The following SOX6 variants were observed in gnomAD, a reference collection of about 807,000 sequenced individuals.
SOX6 encodes the protein SRY-box transcription factor 6, also known as transcription factor SOX-6.
In SOX6, 11 loss-of-function variants were observed where a neutral mutation model predicts 97.8. The ratio of observed to expected loss-of-function variants is 0.11; its 90% CI spans 0.07 to 0.19. The LOEUF is 0.19. Ranked by LOEUF, SOX6 falls within the 10% of genes least tolerant of loss-of-function variation. The pLI is 1.00. For synonymous variants in SOX6, 360 were observed against 371.4 expected (o/e 0.97, Z 0.35); for missense variants, 810 against 1,039.5 (o/e 0.78, Z 3.04).
chr11:16,389,969 T>TAAAAAAAAACAAAAAA (rs1858117112), intron 1 of SOX6, among the ~76,000 whole-genome samples: 1 of 41,856 alleles, frequency 2.4e-5, no homozygotes, highest in Non-Finnish European at 4.1e-5. Flanking sequence ...GACTCCGTCT[T>TAAAAAAAAACAAAAAA]AAAAAAAAAA....
chr11:16,132,401 A>AGAAAAAAAGAAAG (rs34012369), intron 6 of SOX6, among the ~76,000 whole-genome samples: 3 of 43,830 alleles, frequency 6.8e-5, no homozygotes, highest in African/African-American at 3.3e-4. Flanking sequence ...AAAGAAAGAA[A>AGAAAAAAAGAAAG]AAAGAAAGAA....
intron 1 of SOX6, among the ~76,000 whole-genome samples, chr11:16,451,240 A>G (rs997472734): frequency 6.6e-6 from 1 of 152,052 alleles, no homozygotes; most frequent in African/African-American, 2.4e-5. Flanking sequence ...TCCAAAAAAT[A>G]ATAATTTTGA....
intron 3 of SOX6, among the ~76,000 whole-genome samples, chr11:16,664,375 T>C (rs1239042757): frequency 6.6e-6 from 1 of 152,134 alleles, no homozygotes; most frequent in Admixed American, 6.5e-5. Context: ...AAAGAATCTG[T>C]ACACTTGGGG....
rs543720069 is a variant in SOX6 at position 16,181,818 on chromosome 11, A to G, written c.777+2068T>C. ...TTGAGTTCTTATTACAAAGAATCTTATATTTCTAAAGTGAATGTAACTCTG... is the reference window on the plus strand; with the variant it reads ...TTGAGTTCTTATTACAAAGAATCTTGTATTTCTAAAGTGAATGTAACTCTG... On this transcript the variant is annotated intron_variant, in intron 6 of 15. Transcript: ENST00000683767. Among the ~76,000 whole-genome samples the G allele has an allele frequency of 2.0e-5, 3 of 151,838 alleles. No individual in the cohort carries two copies. The South Asian group carries it at 6.2e-4, about 31-fold the overall frequency.
chr11:16,416,480 C>A (rs959410652), intron 1 of SOX6, among the ~76,000 whole-genome samples: 1 of 152,092 alleles, frequency 6.6e-6, no homozygotes, highest in African/African-American at 2.4e-5. Context: ...TACTACCTGA[C>A]AATTCTTGGA....
rs115603942 is a variant in SOX6 at position 16,443,683 on chromosome 11, A to G, written c.-5+32632T>C. Among the ~76,000 whole-genome samples the G allele has an allele frequency of 2.4e-3, 360 of 152,154 alleles. 2 individuals carry two copies. The highest frequency in any genetic ancestry group is 6.9e-3 in the African/African-American group (286 of 41,504). On this transcript the variant is annotated intron_variant, in intron 1 of 15. Transcript: ENST00000396356. ...AAATGATCTTGCTACCCTGATAGTG[A>G]GCATAGTGCCCAATATGTAGTGTCT...
chr11:16,423,347 A>AT (rs1371483115), intron 1 of SOX6, among the ~76,000 whole-genome samples: 10 of 152,190 alleles, frequency 6.6e-5, no homozygotes, highest in Admixed American at 4.6e-4. Context: ...CTATAAAAAA[A>AT]TTGTACCGCC....
intron 2 of SOX6, among the ~76,000 whole-genome samples, chr11:16,730,160 C>T (rs957828259): frequency 6.6e-5 from 10 of 151,848 alleles, no homozygotes; most frequent in African/African-American, 2.2e-4. Flanking sequence ...GACTTTAACA[C>T]CCCACTGTCA....
At chr11:16,325,196 A>G (rs1223609108) in intron 2 of SOX6, among the ~76,000 whole-genome samples, 1 of 152,130 alleles carries the variant, frequency 6.6e-6, no homozygotes, top group Non-Finnish European at 1.5e-5. Context: ...TTAAATATAA[A>G]TATCAAAGAA....
intron 1 of SOX6, among the ~76,000 whole-genome samples, chr11:16,471,348 G>C (rs1031247048): frequency 6.6e-6 from 1 of 152,106 alleles, no homozygotes; most frequent in Non-Finnish European, 1.5e-5. Context: ...TCCGGCCTAG[G>C]TAGTTGATTT....
At chr11:16,561,146 C>T (rs537349655) in intron 4 of SOX6, among the ~76,000 whole-genome samples, 8 of 151,850 alleles carry the variant, frequency 5.3e-5, no homozygotes, top group East Asian at 1.9e-4. Context: ...GAAGAAAGAA[C>T]GGCAGAAATA....
intron 3 of SOX6, among the ~76,000 whole-genome samples, chr11:16,672,185 T>C (rs749690827): frequency 1.3e-5 from 2 of 152,066 alleles, no homozygotes; most frequent in African/African-American, 2.4e-5. Context: ...TACCACCTAA[T>C]ACAAAAACAC....
intron 6 of SOX6, among the ~76,000 whole-genome samples, chr11:16,113,736 G>T (rs1307951202): frequency 5.3e-5 from 8 of 152,102 alleles, no homozygotes; most frequent in Non-Finnish European, 1.2e-4. Flanking sequence ...AAAGTGAGGA[G>T]TTTGGATATT....
rs1850251258 is a variant in SOX6, at chr11:16,144,987, C to T, written c.778-33064G>A. Among the ~76,000 whole-genome samples the T allele has an allele frequency of 2.0e-5, 3 of 152,290 alleles. No individual in the cohort carries two copies. In the South Asian group the frequency reaches 6.2e-4, roughly 32 times the overall value. ...TCAATAGAAAAAGAGGGAATCCTCC[C>T]TAACTCATTTTATGAGGCCAGCATC... On this transcript the variant is annotated intron_variant, in intron 6 of 15. Coordinates refer to ENST00000683767, the MANE Select transcript of SOX6 (RefSeq NM_001367873.1).
intron 3 of SOX6, among the ~76,000 whole-genome samples, chr11:16,694,256 G>T (rs1848036484): frequency 6.6e-6 from 1 of 152,194 alleles, no homozygotes; most frequent in African/African-American, 2.4e-5. Context: ...AGCCAGGCAT[G>T]GTAGCTCACA....
At chr11:16,472,441 A>G (rs1860154326) in intron 1 of SOX6, among the ~76,000 whole-genome samples, 1 of 152,154 alleles carries the variant, frequency 6.6e-6, no homozygotes, top group Non-Finnish European at 1.5e-5. Flanking sequence ...GATACTTTAT[A>G]TTTCTTTCTC....
intron 10 of SOX6, among the ~76,000 whole-genome samples, chr11:16,053,000 T>C (rs1169196854): frequency 2.0e-5 from 3 of 152,186 alleles, no homozygotes; most frequent in African/African-American, 7.2e-5. Flanking sequence ...CTCAGCTAAA[T>C]GCTCAGGGGC....
At chr11:16,011,096 C>A (rs1458824861) in intron 13 of SOX6, among the ~76,000 whole-genome samples, 1 of 152,038 alleles carries the variant, frequency 6.6e-6, no homozygotes, top group Non-Finnish European at 1.5e-5. Flanking sequence ...CTGTAGGCAA[C>A]CTTGAAATTA....
At chr11:16,291,869 G>T (rs747019519) in intron 3 of SOX6, among the ~76,000 whole-genome samples, 2 of 152,012 alleles carry the variant, frequency 1.3e-5, no homozygotes, top group Non-Finnish European at 2.9e-5. Flanking sequence ...GAAAATGGAA[G>T]GATTAACAAT....
Sources: allele counts gnomAD v4.1 joint callset (sites outside exome capture counted in the v4.1 genomes callset), GRCh38; gene constraint gnomAD v4.1.1; transcripts MANE v1.5; gene names NCBI Gene and HGNC (gene_info 2026-07-23, HGNC 2026-07-21).